CYBRD1: variants seen among roughly 807,000 people sequenced by gnomAD.
CYBRD1 encodes the protein plasma membrane ascorbate-dependent reductase CYBRD1.
Under a neutral mutation model 21.9 loss-of-function variants are expected in CYBRD1, and 14 were observed. The ratio of observed to expected loss-of-function variants is 0.64; its 90% CI spans 0.42 to 1.00. The LOEUF (loss-of-function observed/expected upper bound fraction) is 1.00. CYBRD1 is among the 50% of genes least tolerant of loss of function. CYBRD1 has a pLI of 0.00. For synonymous variants in CYBRD1, 146 were observed against 136.5 expected, an observed-to-expected ratio of 1.07 and a Z score of -0.48; for missense variants, 328 against 352.5, an observed-to-expected ratio of 0.93 and a Z score of 0.56.
At position 171,551,986 on chromosome 2, in the gene CYBRD1, A is replaced by G. The variant is rs73976195; in HGVS notation, c.403-1360A>G. 5.5e-3 allele frequency among the ~76,000 whole-genome samples: 836 copies of G among 152,272 alleles called. 15 individuals are homozygous for G. The highest frequency in any genetic ancestry group is 0.019 in the African/African-American group (801 of 41,554). On this transcript the variant is annotated intron_variant, in intron 2 of 3. Transcript: ENST00000321348. ...TTAACTCAGTAGCTGAGACTTTCAG[A>G]AAAATGCTGAATAGGAATAGGTGAT...
At chr2:171,553,208 G>A (rs996877376) in intron 2 of CYBRD1, 138 bp from the exon 3 acceptor site, 2 of 940,216 alleles carry the variant, frequency 2.1e-6, no homozygotes, top group African/African-American at 3.3e-5. Context: ...AGTGGAACTG[G>A]AGCGAGGAAA....
Position 171,553,454 on chromosome 2 carries a change from A to G in CYBRD1, c.511A>G (p.Ile171Val). 5 of 1,613,652 alleles carry G rather than the reference A, an allele frequency of 3.1e-6. No individual in the cohort carries two copies. The highest frequency in any genetic ancestry group is 4.2e-6 in the Non-Finnish European group (5 of 1,179,742). ...YSGIVIFGTV[I>V]ATALMGLTEK... ...TGGAATTGTCATCTTTGGAACAGTG[A>G]TTGCAACAGCACTTATGGGATTGAC... The change falls in exon 3 of 4, where the codon ATT (isoleucine) becomes GTT (valine). Residue 171 changes from isoleucine (I) to valine (V), a missense_variant. Physicochemically the swap from Ile to Val is conservative, Grantham distance 29. Transcript: ENST00000321348.
chr2:171,531,158 A>AG (rs1321626233), intron 1 of CYBRD1, among the ~76,000 whole-genome samples: 2 of 150,630 alleles, frequency 1.3e-5, no homozygotes, highest in Admixed American at 6.6e-5. Context: ...CTGTCTCAAA[A>AG]AAAAAAAAAA....
chr2:171,539,062 T>G (rs765334053), intron 1 of CYBRD1, among the ~76,000 whole-genome samples: 80 of 152,224 alleles, frequency 5.3e-4, no homozygotes, highest in Admixed American at 8.5e-4. Flanking sequence ...CCTCCCAAAG[T>G]GCTGAAATTA....
At chr2:171,544,824 A>G (rs1205027320) in intron 2 of CYBRD1, among the ~76,000 whole-genome samples, 2 of 152,194 alleles carry the variant, frequency 1.3e-5, no homozygotes, top group South Asian at 2.1e-4. Flanking sequence ...CATAAGAAGT[A>G]GAGAAGTAGA....
At chr2:171,541,859 TTC>T (rs370271537) in intron 2 of CYBRD1, 66 bp downstream of exon 2, 104 of 1,234,328 alleles carry the variant, frequency 8.4e-5, no homozygotes, top group South Asian at 1.5e-4. Flanking sequence ...ATGTTTTCTT[TTC>T]TTTTTTTTTT....
chr2:171,523,460 C>T lies in CYBRD1; in HGVS notation c.193+722C>T, dbSNP rs576113408. On this transcript the variant is annotated intron_variant, in intron 1 of 3. Transcript: ENST00000321348. ...CCCAGTCATTGGACGGTCTTGAGCC[C>T]GACTTGTTTATGTGGCAGAAGAGTG... The T allele has an allele frequency of 2.0e-4, 38 of 191,432 alleles. No individual in the cohort carries two copies. The Middle Eastern group carries it at 4.8e-3, about 24-fold the overall frequency. 11.9% of individuals were successfully genotyped at this position (191,432 alleles called of 1,614,324 possible).
rs1035176760 is a variant in CYBRD1 at position 171,555,581 on chromosome 2, A to G, written c.*754A>G. ...CTTCTTAGAATGAAAATATGCTTCA[A>G]CACTTAAGTAGCATACACTGCCCTA... On this transcript the variant is annotated 3_prime_UTR_variant, in exon 4 of 4. Transcript: ENST00000321348. The G allele has an allele frequency of 3.9e-5, 6 of 152,286 alleles. No homozygotes were observed. The highest frequency in any genetic ancestry group is 1.2e-4 in the African/African-American group (5 of 41,452). 9.4% of individuals were successfully genotyped at this position (152,286 alleles called of 1,614,324 possible). A position where few individuals can be genotyped will look rare whatever the true frequency, so the allele number is the denominator to read the frequency against.
At chr2:171,522,373 C>T, upstream of CYBRD1, 4 of 1,498,152 alleles carry the variant, frequency 2.7e-6, no homozygotes, top group Non-Finnish European at 3.6e-6. The surrounding 1 kb of genome is among the most constrained non-coding windows in gnomAD (Gnocchi z 4.3). Context: ...GGCCAGCTCC[C>T]CACCCCCAAG....
chr2:171,522,616 T>A lies in CYBRD1; in HGVS notation c.71T>A (p.Val24Glu). 1.2e-6 allele frequency: 2 copies of A among 1,613,190 alleles called. No homozygotes were observed. The highest frequency in any genetic ancestry group is 1.7e-6 in the Non-Finnish European group (2 of 1,179,840). ...GSALLVGFLSVIFALVWVLHY... is the reference protein window; with the variant it reads ...GSALLVGFLSEIFALVWVLHY... The stretch of plus-strand genomic sequence containing the variant: ...GCACTGCTCGTCGGCTTCCTGTCGG[T>A]GATCTTCGCCCTCGTCTGGGTCCTC... The change falls in exon 1 of 4, where the codon GTG becomes GAG. Residue 24 changes from valine to glutamate, a missense_variant. By Grantham distance (121) the Val-to-Glu change is moderately radical. Transcript: ENST00000321348. The surrounding 1 kb of genome is among the most constrained non-coding windows in gnomAD (Gnocchi z 4.3).
rs1427721375 is a variant in CYBRD1, at chr2:171,554,717, G to T, written c.751G>T (p.Ala251Ser). The change falls in exon 4 of 4, where the codon GCC (alanine) becomes TCC (serine). Residue 251 changes from alanine to serine, a missense_variant. Transcript: ENST00000321348. ...TEQGARGSMPAYSGNNMDKSD... is the reference protein window; with the variant it reads ...TEQGARGSMPSYSGNNMDKSD... ...ACAGGGAGCAAGAGGTTCCATGCCA[G>T]CCTACTCTGGCAACAACATGGACAA... 1 of 1,614,024 alleles carries T rather than the reference G, an allele frequency of 6.2e-7. No homozygotes were observed. Among genetic ancestry groups the T allele is most frequent in the Admixed American group, 1.7e-5 (1 of 59,982 alleles).
In CYBRD1 at chr2:171,555,081, A is replaced by G; in HGVS notation, c.*254A>G. ...CCTTTATCTTGTTGAGGACCACAAC[A>G]TTAGCACGGTGCCTTGTGCAGAATA... On this transcript the variant is annotated 3_prime_UTR_variant, in exon 4 of 4. Coordinates refer to ENST00000321348, the MANE Select transcript of CYBRD1 (RefSeq NM_024843.4). 1 of 512,798 alleles carries G rather than the reference A, an allele frequency of 2.0e-6. No homozygotes were observed. The highest frequency in any genetic ancestry group is 3.5e-6 in the Non-Finnish European group (1 of 283,706). The allele number at this position is 512,798 out of a possible 1,614,324, so 31.8% of individuals were successfully genotyped here.
chr2:171,551,600 T>C (rs891504798), intron 2 of CYBRD1, among the ~76,000 whole-genome samples: 2 of 152,214 alleles, frequency 1.3e-5, no homozygotes, highest in Admixed American at 6.5e-5. Context: ...ATTAGGATTT[T>C]ATTTAATCTA....
chr2:171,547,231 G>A (rs1048538450), intron 2 of CYBRD1, among the ~76,000 whole-genome samples: 4 of 152,080 alleles, frequency 2.6e-5, no homozygotes, highest in Non-Finnish European at 4.4e-5. Context: ...TGATCATTAG[G>A]CTTAGTAACC....
intron 1 of CYBRD1, among the ~76,000 whole-genome samples, chr2:171,530,189 T>TA (rs1161659986): frequency 5.9e-5 from 9 of 152,198 alleles, no homozygotes; most frequent in Admixed American, 1.3e-4. Flanking sequence ...ATCCTGCTAT[T>TA]ATAACACCTT....
rs1697328914 is a variant in CYBRD1, at chr2:171,522,862, G to T, written c.193+124G>T. ...AGGATCGCGGGGCCCGGAGGAGTGC[G>T]GTGAGGAGCGCGCGGGAAGCCAAGT... is the stretch of plus-strand genomic sequence containing the variant. On this transcript the variant is annotated intron_variant, in intron 1 of 3. Coordinates refer to ENST00000321348, the MANE Select transcript of CYBRD1 (RefSeq NM_024843.4). The surrounding 1 kb of genome is among the most constrained non-coding windows in gnomAD (Gnocchi z 4.3). 6.8e-7 allele frequency: 1 copy of T among 1,466,872 alleles called. No individual in the cohort carries two copies. The highest frequency in any genetic ancestry group is 1.3e-5 in the South Asian group (1 of 76,712). 90.9% of individuals were successfully genotyped at this position (1,466,872 alleles called of 1,614,324 possible).
chr2:171,533,563 A>G (rs865952828), intron 1 of CYBRD1, among the ~76,000 whole-genome samples: 18 of 152,230 alleles, frequency 1.2e-4, no homozygotes, highest in Middle Eastern at 6.8e-3. Context: ...CTCTTCCCCT[A>G]CCACACACAC....
chr2:171,526,734 G>T (rs1697391901), intron 1 of CYBRD1, among the ~76,000 whole-genome samples: 1 of 152,200 alleles, frequency 6.6e-6, no homozygotes, highest in Non-Finnish European at 1.5e-5. Flanking sequence ...CAAAGTGGCT[G>T]TTGACCTTTT....
At chr2:171,541,918 G>A (rs1574439699) in intron 2 of CYBRD1, 125 bp downstream of exon 2, 2 of 801,554 alleles carry the variant, frequency 2.5e-6, no homozygotes, top group Non-Finnish European at 3.9e-6. Context: ...AGGCTGGAGT[G>A]CAGTGCTGCG....
Sources: allele counts gnomAD v4.1 joint callset (sites outside exome capture counted in the v4.1 genomes callset), GRCh38; gene constraint gnomAD v4.1.1; non-coding constraint Gnocchi (gnomAD v3.1); transcripts MANE v1.5; gene names NCBI Gene and HGNC (gene_info 2026-07-23, HGNC 2026-07-21).